CYP2C19: variants seen among roughly 807,000 people sequenced by gnomAD.
CYP2C19 encodes the protein cytochrome P450 2C19.
In CYP2C19, 59 loss-of-function variants were observed where a neutral mutation model predicts 40.9. That is an observed-to-expected ratio of 1.44 (90% CI 1.17 to 1.79). The LOEUF is 1.79. Among genes scored for constraint, CYP2C19 ranks in the 40% most tolerant of loss-of-function variants. The probability of loss-of-function intolerance (pLI) is 0.00; values close to 1 mark genes in which losing one functional copy is unlikely to be tolerated. For missense variants in CYP2C19, 754 were observed against 596.9 expected (o/e 1.26, Z -2.74); for synonymous variants, 253 against 208.7 (o/e 1.21, Z -1.83).
At chr10:94,799,939 C>T (rs1333254084) in intron 5 of CYP2C19, among the ~76,000 whole-genome samples, 4 of 151,922 alleles carry the variant, frequency 2.6e-5, no homozygotes, top group South Asian at 4.2e-4. Flanking sequence ...TCTTATGATG[C>T]GTTAGAACAT....
At chr10:94,778,587 A>G (rs1848441096) in intron 3 of CYP2C19, among the ~76,000 whole-genome samples, 1 of 152,232 alleles carries the variant, frequency 6.6e-6, no homozygotes, top group Non-Finnish European at 1.5e-5. Context: ...GCCAGTTAGA[A>G]TGGTGATCAT....
In CYP2C19 at chr10:94,779,592, C is replaced by T. The variant is rs1469775610; in HGVS notation, c.482-907C>T. Among the ~76,000 whole-genome samples, 4 of 84,224 alleles carry T rather than the reference C, an allele frequency of 4.7e-5. No individual in the cohort carries two copies. The South Asian group carries it at 2.0e-3, about 42-fold the overall frequency. The allele number at this position is 84,224 out of a possible 152,430, so 55.3% of individuals were successfully genotyped here. On this transcript the variant is annotated intron_variant, in intron 3 of 8. Coordinates refer to ENST00000371321, the MANE Select transcript of CYP2C19 (RefSeq NM_000769.4). ...TTTTTTTTTTTTTGAGTTGGAGTCT[C>T]ACTCTTTTGCCAGGCTGAAGTGCAC...
chr10:94,787,388 C>T (rs1189117102), intron 5 of CYP2C19, among the ~76,000 whole-genome samples: 1 of 152,010 alleles, frequency 6.6e-6, no homozygotes, highest in Non-Finnish European at 1.5e-5. Context: ...TAGATTCTCG[C>T]TATTGGACCA....
At chr10:94,794,545 T>C (rs984597470) in intron 5 of CYP2C19, among the ~76,000 whole-genome samples, 2 of 152,164 alleles carry the variant, frequency 1.3e-5, no homozygotes, top group Admixed American at 1.3e-4. Context: ...CATGGAATAT[T>C]TTTTCCATTT....
At chr10:94,829,825 G>C (rs1489056478) in intron 6 of CYP2C19, among the ~76,000 whole-genome samples, 1 of 151,562 alleles carries the variant, frequency 6.6e-6, no homozygotes, top group Non-Finnish European at 1.5e-5. Flanking sequence ...ATGTGCAGAT[G>C]GGTTTTTGGT....
intron 5 of CYP2C19, among the ~76,000 whole-genome samples, chr10:94,810,244 T>C (rs986759259): frequency 2.6e-5 from 4 of 152,292 alleles, no homozygotes; most frequent in Middle Eastern, 3.4e-3. Context: ...AACTTGATCG[T>C]GGTGGATAAG....
chr10:94,799,233 A>G (rs891765056), intron 5 of CYP2C19, among the ~76,000 whole-genome samples: 3 of 152,044 alleles, frequency 2.0e-5, no homozygotes, highest in African/African-American at 7.2e-5. Flanking sequence ...GCTTGTCTAT[A>G]AAGGATTTTA....
intron 3 of CYP2C19, among the ~76,000 whole-genome samples, chr10:94,779,572 T>TTTCTTTTCTTTTTC (rs1848456444): frequency 6.6e-6 from 1 of 151,064 alleles, no homozygotes; most frequent in South Asian, 2.1e-4. Context: ...TTTTCTTTTT[T>TTTCTTTTCTTTTTC]TTTTTTTGAG....
At chr10:94,795,690 A>G (rs9664621) in intron 5 of CYP2C19, among the ~76,000 whole-genome samples, 11,568 of 152,010 alleles carry the variant, frequency 0.076, 511 homozygotes, top group South Asian at 0.12. Context: ...TTTAATGATC[A>G]CTGTTCTAAC....
chr10:94,846,675 T>C (rs1201367742), intron 7 of CYP2C19, among the ~76,000 whole-genome samples: 1 of 151,900 alleles, frequency 6.6e-6, no homozygotes, highest in Non-Finnish European at 1.5e-5. Context: ...TTAGAATCTA[T>C]TTATTTATTT....
chr10:94,808,504 G>T (rs901946210), intron 5 of CYP2C19, among the ~76,000 whole-genome samples: 1 of 152,042 alleles, frequency 6.6e-6, no homozygotes, highest in African/African-American at 2.4e-5. Context: ...TCACCCTATT[G>T]TGCTATCAAA....
rs1159036092 is a variant in CYP2C19, at chr10:94,797,516, G to C, written c.819+15519G>C. 5.3e-5 allele frequency among the ~76,000 whole-genome samples: 8 copies of C among 152,154 alleles called. No homozygotes were observed. In the East Asian group the frequency reaches 1.5e-3, roughly 29 times the overall value. Reference sequence around the variant, plus strand: ...ATGCTGGCCTCATAAAATTAGTTAGGGAGGATTCCATCTTTTTCTCTTGGT... The same window carrying C: ...ATGCTGGCCTCATAAAATTAGTTAGCGAGGATTCCATCTTTTTCTCTTGGT... On this transcript the variant is annotated intron_variant, in intron 5 of 8. Transcript: ENST00000371321.
intron 5 of CYP2C19, among the ~76,000 whole-genome samples, chr10:94,786,718 G>T (rs1465075422): frequency 2.0e-5 from 3 of 152,012 alleles, no homozygotes; most frequent in African/African-American, 7.2e-5. Flanking sequence ...AATTCCCAGT[G>T]TGTATTGTTT....
chr10:94,797,387 G>A (rs553556100), intron 5 of CYP2C19, among the ~76,000 whole-genome samples: 5 of 152,098 alleles, frequency 3.3e-5, no homozygotes, highest in South Asian at 2.1e-4. Context: ...TGCTGGATTC[G>A]GTTTGCCAGT....
At position 94,849,835 on chromosome 10, in the gene CYP2C19, G is replaced by T. The variant is rs900823561; in HGVS notation, c.1150-82G>T. 13 of 1,535,970 alleles carry T rather than the reference G, an allele frequency of 8.5e-6. No individual in the cohort carries two copies. The East Asian group carries it at 1.4e-4, about 16-fold the overall frequency. On this transcript the variant is annotated intron_variant, in intron 7 of 8. Coordinates refer to ENST00000371321, the MANE Select transcript of CYP2C19 (RefSeq NM_000769.4). ...GTGTTTCATCATCTGTACATCAAAA[G>T]ATTTAACTGCATGATTACCACTGTT...
chr10:94,836,099 G>A (rs1392814681), intron 6 of CYP2C19, among the ~76,000 whole-genome samples: 5 of 152,172 alleles, frequency 3.3e-5, no homozygotes, highest in South Asian at 4.1e-4. Flanking sequence ...GCACAAGCAC[G>A]CAGTTGCAGC....
intron 5 of CYP2C19, among the ~76,000 whole-genome samples, chr10:94,792,780 C>T (rs113442610): frequency 6.6e-6 from 1 of 152,224 alleles, no homozygotes; most frequent in African/African-American, 2.4e-5. Flanking sequence ...TCTGGCTGCC[C>T]TAAATATTTA....
At chr10:94,834,182 G>A (rs1391558066) in intron 6 of CYP2C19, among the ~76,000 whole-genome samples, 3 of 152,024 alleles carry the variant, frequency 2.0e-5, no homozygotes, top group African/African-American at 4.8e-5. Context: ...CTTGGTACTG[G>A]TCATTGCATG....
intron 7 of CYP2C19, among the ~76,000 whole-genome samples, chr10:94,849,281 C>A (rs563422734): frequency 6.6e-6 from 1 of 152,068 alleles, no homozygotes; most frequent in African/African-American, 2.4e-5. Flanking sequence ...CACCCAAGTA[C>A]GCAAGTACTC....
Sources: gnomAD v4.1 joint callset for allele counts (sites outside exome capture counted in the v4.1 genomes callset) on GRCh38, gnomAD v4.1.1 for gene constraint, MANE v1.5 for transcripts, NCBI Gene and HGNC (gene_info 2026-07-23, HGNC 2026-07-21) for gene names.